BRAF: variants seen among roughly 807,000 people sequenced by gnomAD.
The protein encoded by BRAF is B-Raf proto-oncogene, serine/threonine kinase.
A neutral mutation model predicts 104.6 loss-of-function variants in BRAF; 16 were observed. The ratio of observed to expected loss-of-function variants is 0.15; its 90% CI spans 0.10 to 0.23. The LOEUF (loss-of-function observed/expected upper bound fraction) is 0.23, where lower values mean the gene tolerates loss of function less well. Among genes scored for constraint, BRAF ranks in the 10% least tolerant of loss-of-function variants. BRAF has a pLI of 1.00. For missense variants in BRAF, 541 were observed against 937.3 expected (o/e 0.58, Z 5.52); for synonymous variants, 310 against 341.6 (o/e 0.91, Z 1.02).
chr7:140,900,811 A>T (rs1210722077), intron 1 of BRAF, among the ~76,000 whole-genome samples: 2 of 152,188 alleles, frequency 1.3e-5, no homozygotes, highest in Non-Finnish European at 2.9e-5. Context: ...GGGTTTCACC[A>T]TGTTGGCCAG....
chr7:140,787,119 G>A (rs1801441611), intron 9 of BRAF, among the ~76,000 whole-genome samples: 1 of 151,762 alleles, frequency 6.6e-6, no homozygotes, highest in Non-Finnish European at 1.5e-5. Context: ...GGCTAACACG[G>A]TGAAACCCCG....
chr7:140,767,576 C>T (rs1799451924), intron 14 of BRAF, among the ~76,000 whole-genome samples: 1 of 152,036 alleles, frequency 6.6e-6, no homozygotes, highest in South Asian at 2.1e-4. Flanking sequence ...GTTTTAGAGG[C>T]TTAAGGATAT....
At chr7:140,838,844 G>C (rs1402756690) in intron 2 of BRAF, among the ~76,000 whole-genome samples, 2 of 152,280 alleles carry the variant, frequency 1.3e-5, no homozygotes, top group East Asian at 3.9e-4. Context: ...TCAGGGGCTG[G>C]AGGGAATGAC....
At chr7:140,813,084 A>G (rs1267613) in intron 3 of BRAF, among the ~76,000 whole-genome samples, 16,893 of 152,184 alleles carry the variant, frequency 0.11, 1,138 homozygotes, top group South Asian at 0.19. Context: ...TTGGATGGCA[A>G]AACAAACACA....
intron 13 of BRAF, among the ~76,000 whole-genome samples, chr7:140,777,482 CT>C (rs1285548186): frequency 9.2e-5 from 14 of 152,186 alleles, no homozygotes; most frequent in Non-Finnish European, 1.5e-4. Context: ...TCTGGAATAA[CT>C]TTTTTTTCCG....
intron 5 of BRAF, among the ~76,000 whole-genome samples, chr7:140,804,329 C>T (rs1284886330): frequency 2.0e-5 from 3 of 151,732 alleles, no homozygotes; most frequent in Non-Finnish European, 4.4e-5. Flanking sequence ...CTCAGCCTCC[C>T]GAGCAGCTAG....
At chr7:140,736,624 T>C (rs1268042626) in intron 18 of BRAF, among the ~76,000 whole-genome samples, 1 of 150,926 alleles carries the variant, frequency 6.6e-6, no homozygotes, top group Non-Finnish European at 1.5e-5. Flanking sequence ...TCAGAGTTTC[T>C]CCATGTTGGT....
rs576622446 is a variant in BRAF at position 140,724,286 on chromosome 7, T to C, written c.*2208A>G. 49 of 1,057,886 alleles carry C rather than the reference T, an allele frequency of 4.6e-5. No individual in the cohort carries two copies. In the East Asian group the frequency reaches 1.0e-3, roughly 22 times the overall value. The allele number at this position is 1,057,886 out of a possible 1,614,324, so 65.5% of individuals were successfully genotyped here. ...GCAGGACATGAAACACATCCTCTTG[T>C]TCAAGCCCAGGTCTCTCTACCTGCG... On this transcript the variant is annotated 3_prime_UTR_variant, in exon 20 of 20. Coordinates refer to ENST00000644969, the MANE Select transcript of BRAF (RefSeq NM_001374258.1).
intron 14 of BRAF, among the ~76,000 whole-genome samples, chr7:140,765,509 G>A (rs1398941896): frequency 2.6e-5 from 4 of 152,046 alleles, no homozygotes; most frequent in African/African-American, 4.8e-5. Context: ...AGAGTGAACA[G>A]GCAACCTACA....
At chr7:140,884,346 C>A (rs1357942419) in intron 1 of BRAF, among the ~76,000 whole-genome samples, 2 of 151,506 alleles carry the variant, frequency 1.3e-5, no homozygotes, top group East Asian at 1.9e-4. Flanking sequence ...TCTTTTACTT[C>A]TCCAGAAGCC....
At chr7:140,831,739 G>A (rs1042731722) in intron 3 of BRAF, among the ~76,000 whole-genome samples, 3 of 152,134 alleles carry the variant, frequency 2.0e-5, no homozygotes, top group African/African-American at 4.8e-5. Context: ...AATGTTTTTA[G>A]TTGAGGTTTG....
chr7:140,914,070 T>C (rs1037041795), intron 1 of BRAF, among the ~76,000 whole-genome samples: 14 of 152,128 alleles, frequency 9.2e-5, no homozygotes, highest in Admixed American at 8.5e-4. Context: ...ATATTGAACA[T>C]TCAAAACAAA....
chr7:140,749,866 T>C (rs1302106232), intron 16 of BRAF, among the ~76,000 whole-genome samples: 1 of 152,190 alleles, frequency 6.6e-6, no homozygotes, highest in African/African-American at 2.4e-5. Flanking sequence ...CAAACAACTT[T>C]TCTCATCTGA....
rs1054623462 is a variant in BRAF, at chr7:140,853,717, T to A, written c.139-3505A>T. ...CTCTTACCTTCTCATTTAGAAAGGC[T>A]CTATCCCTCCCATTCCTTAAAGGCA... On this transcript the variant is annotated intron_variant, in intron 1 of 19. Coordinates refer to ENST00000644969, the MANE Select transcript of BRAF (RefSeq NM_001374258.1). 9.2e-5 allele frequency among the ~76,000 whole-genome samples: 14 copies of A among 152,212 alleles called. 1 individual carries two copies. Among genetic ancestry groups the A allele is most frequent in the Admixed American group, 6.5e-4 (10 of 15,274 alleles).
intron 3 of BRAF, among the ~76,000 whole-genome samples, chr7:140,822,164 A>G (rs548509881): frequency 6.6e-6 from 1 of 152,256 alleles, no homozygotes; most frequent in South Asian, 2.1e-4. Flanking sequence ...CTAAAATAAA[A>G]GTTGAAAAAA....
intron 1 of BRAF, among the ~76,000 whole-genome samples, chr7:140,910,296 C>A (rs1476825009): frequency 1.3e-5 from 2 of 152,186 alleles, no homozygotes; most frequent in Non-Finnish European, 1.5e-5. Flanking sequence ...CCTATTACAT[C>A]CTTTTGTCTT....
At chr7:140,850,359 T>C (rs1809031692) in intron 1 of BRAF, 147 bp from the exon 2 acceptor site, 1 of 598,880 alleles carries the variant, frequency 1.7e-6, no homozygotes. Context: ...TTTTTCTCTT[T>C]TATTATGAAA....
chr7:140,895,836 A>G (rs1003825101), intron 1 of BRAF, among the ~76,000 whole-genome samples: 2 of 152,156 alleles, frequency 1.3e-5, no homozygotes, highest in African/African-American at 4.8e-5. Context: ...CTGTTGTTGA[A>G]CTGATTCCAT....
intron 5 of BRAF, among the ~76,000 whole-genome samples, chr7:140,804,847 C>T (rs1803499609): frequency 6.6e-6 from 1 of 151,722 alleles, no homozygotes. Flanking sequence ...GCTCTGTTGC[C>T]CAGGCTGGAG....
Sources: gnomAD v4.1 joint callset for allele counts (sites outside exome capture counted in the v4.1 genomes callset) on GRCh38, gnomAD v4.1.1 for gene constraint, MANE v1.5 for transcripts, NCBI Gene and HGNC (gene_info 2026-07-23, HGNC 2026-07-21) for gene names.